Variants in DNAH8 observed in about 807,000 individuals in gnomAD.
DNAH8 encodes the protein dynein axonemal heavy chain 8, also known as axonemal beta dynein heavy chain 8.
Under a neutral mutation model 562.1 loss-of-function variants are expected in DNAH8, and 382 were observed. That is an observed-to-expected ratio of 0.68 (90% confidence interval 0.63 to 0.74). The LOEUF is 0.74. DNAH8 is among the 30% of genes least tolerant of loss of function. The pLI, the probability that DNAH8 is intolerant of heterozygous loss-of-function variation, is 0.00. For missense variants in DNAH8, 5,203 were observed against 5,620.4 expected (o/e 0.93, Z 2.37); for synonymous variants, 1,881 against 1,919.4 (o/e 0.98, Z 0.52).
At chr6:38,923,300 T>A in intron 72 of DNAH8, 115 bp downstream of exon 72, 1 of 1,238,188 alleles carries the variant, frequency 8.1e-7, no homozygotes, top group Non-Finnish European at 1.1e-6. Context: ...GCTTGCAACT[T>A]AAATCATGCA....
intron 73 of DNAH8, among the ~76,000 whole-genome samples, 160 bp downstream of exon 73, chr6:38,924,322 C>A (rs892555144): frequency 6.6e-6 from 1 of 152,046 alleles, no homozygotes; most frequent in East Asian, 1.9e-4. Context: ...ACCAGCCTAA[C>A]CAACATGGTG....
rs2150418431 is a variant in DNAH8, at chr6:38,866,571, A to G, written c.6499-20A>G. 1.9e-6 allele frequency: 3 copies of G among 1,543,098 alleles called. No homozygotes were observed. The highest frequency in any genetic ancestry group is 2.6e-6 in the Non-Finnish European group (3 of 1,135,526). On this transcript the variant is annotated intron_variant, in intron 45 of 92. Transcript: ENST00000327475. ...AAAATTGTTTTAGCAATTAAAAATT[A>G]AACATATTTTAACTTTTAGAACCCT...
At chr6:38,978,942 G>A (rs1763853986) in intron 85 of DNAH8, among the ~76,000 whole-genome samples, 1 of 152,236 alleles carries the variant, frequency 6.6e-6, no homozygotes, top group Non-Finnish European at 1.5e-5. Flanking sequence ...ATGATGGACA[G>A]TCCTCTCCCT....
chr6:39,027,811 G>A (rs2150803426), intron 92 of DNAH8, among the ~76,000 whole-genome samples: 1 of 152,262 alleles, frequency 6.6e-6, no homozygotes. Flanking sequence ...GGGTGACAGA[G>A]CGAGACTCTG....
Position 38,931,848 on chromosome 6 carries a change from C to T in DNAH8, c.11312C>T (p.Thr3771Ile). The change falls in exon 76 of 93, where the codon ACA becomes ATA. Residue 3771 changes from threonine (T) to isoleucine (I), a missense_variant. Coordinates refer to ENST00000327475, the MANE Select transcript of DNAH8 (RefSeq NM_001206927.2). ...VGDKECDIMD[T>I]FKLYITTKLP... ...GATAAGGAATGTGATATCATGGATA[C>T]ATTTAAACTTTACATTACTACGAAG... is the stretch of plus-strand genomic sequence containing the variant. 2 of 1,605,398 alleles carry T rather than the reference C, an allele frequency of 1.2e-6. No individual in the cohort carries two copies. Among genetic ancestry groups the T allele is most frequent in the East Asian group, 2.2e-5 (1 of 44,450 alleles).
chr6:38,875,216 G>A (rs573519398), intron 52 of DNAH8, among the ~76,000 whole-genome samples: 13 of 152,290 alleles, frequency 8.5e-5, no homozygotes, highest in African/African-American at 3.1e-4. Flanking sequence ...CAAAGAAATA[G>A]AATCTTTGAT....
Position 38,733,974 on chromosome 6 carries a change from TAA to T in DNAH8, c.611-487_611-486del, listed in dbSNP as rs747665858. The stretch of plus-strand genomic sequence containing the variant: ...ATTGGCCAGGCATAGTGGCTCCATC[TAA>T]AAAAAAAAAAAATGATGCAATTATT... On this transcript the variant is annotated intron_variant, in intron 4 of 92. Coordinates refer to ENST00000327475, the MANE Select transcript of DNAH8 (RefSeq NM_001206927.2). Among the ~76,000 whole-genome samples the T allele has an allele frequency of 4.8e-3, 563 of 118,272 alleles. 3 individuals carry two copies. The highest frequency in any genetic ancestry group is 0.016 in the African/African-American group (534 of 33,308). The allele number at this position is 118,272 out of a possible 152,430, so 77.6% of individuals were successfully genotyped here. A position where few individuals can be genotyped will look rare whatever the true frequency, so the allele number is the denominator to read the frequency against.
intron 11 of DNAH8, chr6:38,762,844 C>T (rs1766651498): frequency 5.1e-6 from 1 of 196,446 alleles, no homozygotes; most frequent in African/African-American, 2.4e-5. Context: ...CTGGTGCTGA[C>T]CTGCCATCCT....
chr6:38,826,076 T>C, intron 28 of DNAH8, 80 bp from the exon 29 acceptor site: 1 of 909,838 alleles, frequency 1.1e-6, no homozygotes, highest in South Asian at 1.9e-5. Context: ...ACTACTGAAT[T>C]GGACAGAGCA....
intron 65 of DNAH8, 146 bp from the exon 66 acceptor site, chr6:38,911,322 C>A: frequency 1.4e-6 from 1 of 695,390 alleles, no homozygotes; most frequent in Non-Finnish European, 2.6e-6. Context: ...CTTTTTCCAC[C>A]TCACCTCTGA....
At chr6:38,838,071 A>T (rs1774449327) in intron 33 of DNAH8, 29 bp downstream of exon 33, 1 of 1,382,588 alleles carries the variant, frequency 7.2e-7, no homozygotes, top group East Asian at 2.3e-5. Flanking sequence ...CAAGTATTAC[A>T]TGCAAATAAT....
chr6:38,860,854 CTG>C (rs1279729343), intron 43 of DNAH8, among the ~76,000 whole-genome samples: 1 of 152,094 alleles, frequency 6.6e-6, no homozygotes, highest in African/African-American at 2.4e-5. Flanking sequence ...TGAATGTTGA[CTG>C]TGAGTGATTT....
At chr6:38,820,812 C>G (rs1772758033) in intron 26 of DNAH8, among the ~76,000 whole-genome samples, 3 of 152,294 alleles carry the variant, frequency 2.0e-5, no homozygotes, top group East Asian at 3.9e-4. Flanking sequence ...ATCCAATACC[C>G]TTTCATGATA....
chr6:38,855,880 G>A (rs1678747), intron 41 of DNAH8, among the ~76,000 whole-genome samples: 1 of 152,068 alleles, frequency 6.6e-6, no homozygotes, highest in Non-Finnish European at 1.5e-5. Flanking sequence ...GAGATTCTCA[G>A]AGGAGGGCGA....
intron 28 of DNAH8, among the ~76,000 whole-genome samples, chr6:38,824,821 G>A (rs1051806063): frequency 1.3e-5 from 2 of 151,948 alleles, no homozygotes; most frequent in African/African-American, 2.4e-5. Flanking sequence ...TATCTACCAA[G>A]GAAGTACTTG....
At position 38,984,470 on chromosome 6, in the gene DNAH8, GCA is replaced by G. The variant is rs34819199; in HGVS notation, c.13053+188_13053+189del. ...TGCGCTTACACACACGCACACACAT[GCA>G]CACACACACACACACACACACACAA... On this transcript the variant is annotated intron_variant, in intron 87 of 92. Transcript: ENST00000327475. 31,335 of 491,766 alleles carry G rather than the reference GCA, an allele frequency of 0.064. 519 individuals are homozygous for G. Among genetic ancestry groups the G allele is most frequent in the East Asian group, 0.2 (5,518 of 27,272 alleles). The allele number at this position is 491,766 out of a possible 1,614,324, so 30.5% of individuals were successfully genotyped here. A position where few individuals can be genotyped will look rare whatever the true frequency, so the allele number is the denominator to read the frequency against.
rs138523753 is a variant in DNAH8 at position 38,848,748 on chromosome 6, G to T, written c.5146G>T (p.Val1716Phe). 1.2e-6 allele frequency: 2 copies of T among 1,613,510 alleles called. No individual in the cohort carries two copies. Among genetic ancestry groups the T allele is most frequent in the South Asian group, 1.1e-5 (1 of 91,046 alleles). The change falls in exon 37 of 93, where the codon GTT (valine) becomes TTT (phenylalanine). Residue 1716 changes from valine (V) to phenylalanine (F), a missense_variant. Val to Phe is a conservative substitution (Grantham distance 50). Around this residue, in one of 6 missense-constraint regions of DNAH8, gnomAD observed 2,176 missense variants for 2,365.1 expected, o/e 0.92. Coordinates refer to ENST00000327475, the MANE Select transcript of DNAH8 (RefSeq NM_001206927.2). ...GTGGCTCGTAGTACAGAACCTTTGG[G>T]TTTATCTTGAAGCCGTCTTTGTAGG... ...EEWLVVQNLW[V>F]YLEAVFVGGD...
At chr6:38,828,909 C>G (rs1441450313) in intron 30 of DNAH8, among the ~76,000 whole-genome samples, 13 of 152,228 alleles carry the variant, frequency 8.5e-5, no homozygotes, top group Admixed American at 8.5e-4. Context: ...TGCCCCAGCC[C>G]TGGCAACCAC....
chr6:38,948,360 G>A (rs1343830786), intron 80 of DNAH8, among the ~76,000 whole-genome samples: 3 of 151,462 alleles, frequency 2.0e-5, no homozygotes, highest in African/African-American at 7.3e-5. Flanking sequence ...TTTTTGAGGG[G>A]GAGTTTCGCT....
Sources: gnomAD v4.1 joint callset for allele counts (sites outside exome capture counted in the v4.1 genomes callset) on GRCh38, gnomAD v4.1.1 for gene constraint, gnomAD v4.1.1 regional missense constraint, MANE v1.5 for transcripts, NCBI Gene and HGNC (gene_info 2026-07-23, HGNC 2026-07-21) for gene names.